Variants in CCDC178 observed in about 807,000 individuals in gnomAD.
The protein encoded by CCDC178 is coiled-coil domain containing 178.
Under a neutral mutation model 117.4 loss-of-function variants are expected in CCDC178, and 126 were observed. The observed-to-expected ratio is 1.07, with a 90% CI of 0.93 to 1.24. CCDC178 has a LOEUF of 1.24. Among genes scored for constraint, CCDC178 ranks in the 50% most tolerant of loss-of-function variants. The probability of loss-of-function intolerance (pLI) is 0.00; values close to 1 mark genes in which losing one functional copy is unlikely to be tolerated. For missense variants in CCDC178, 1,030 were observed against 986.9 expected (o/e 1.04, Z -0.59); for synonymous variants, 283 against 313.4 (o/e 0.90, Z 1.02).
intron 21 of CCDC178, among the ~76,000 whole-genome samples, chr18:33,008,564 T>C (rs147186421): frequency 5.2e-4 from 79 of 152,198 alleles, no homozygotes; most frequent in Middle Eastern, 3.4e-3. Context: ...GGAAAGTAAA[T>C]CTTCTCATGC....
intron 15 of CCDC178, among the ~76,000 whole-genome samples, chr18:33,243,018 T>C (rs571434350): frequency 2.6e-5 from 4 of 151,922 alleles, no homozygotes; most frequent in African/African-American, 9.6e-5. Flanking sequence ...CAACAACAGA[T>C]AAATGAATAA....
chr18:33,375,796 T>C (rs184645306), intron 5 of CCDC178, among the ~76,000 whole-genome samples: 4 of 152,222 alleles, frequency 2.6e-5, no homozygotes, highest in Admixed American at 1.3e-4. Flanking sequence ...AGAACTGTTA[T>C]TAGTGGAAGG....
At chr18:33,084,379 A>C (rs529875587) in intron 21 of CCDC178, among the ~76,000 whole-genome samples, 17 of 152,188 alleles carry the variant, frequency 1.1e-4, no homozygotes, top group Admixed American at 5.2e-4. Flanking sequence ...CCATCTGTAA[A>C]ATTTTACAGG....
chr18:33,001,923 A>G (rs1399130676), intron 21 of CCDC178, among the ~76,000 whole-genome samples: 1 of 152,222 alleles, frequency 6.6e-6, no homozygotes, highest in Non-Finnish European at 1.5e-5. Flanking sequence ...AAAACTACAA[A>G]AAGAGACAAA....
At chr18:33,094,617 C>T (rs919807668) in intron 20 of CCDC178, among the ~76,000 whole-genome samples, 3 of 151,756 alleles carry the variant, frequency 2.0e-5, no homozygotes, top group African/African-American at 4.8e-5. Context: ...CCGGGATTTG[C>T]ATTTTACCAA....
intron 14 of CCDC178, among the ~76,000 whole-genome samples, chr18:33,260,753 T>C (rs1180368602): frequency 2.6e-5 from 4 of 152,128 alleles, no homozygotes; most frequent in Non-Finnish European, 5.9e-5. Context: ...AAATAGACTA[T>C]TGTTTGTTAG....
At chr18:33,380,832 G>A (rs2063430975) in intron 5 of CCDC178, among the ~76,000 whole-genome samples, 1 of 152,154 alleles carries the variant, frequency 6.6e-6, no homozygotes, top group African/African-American at 2.4e-5. Context: ...CTGCCATCTT[G>A]AAGAAAAAGC....
At chr18:33,339,924 G>C (rs960083697) in intron 9 of CCDC178, among the ~76,000 whole-genome samples, 1 of 152,016 alleles carries the variant, frequency 6.6e-6, no homozygotes, top group African/African-American at 2.4e-5. Context: ...AACTAATACA[G>C]TAAATTGGTA....
chr18:33,014,479 A>C (rs532334618), intron 21 of CCDC178, among the ~76,000 whole-genome samples: 52 of 152,344 alleles, frequency 3.4e-4, no homozygotes, highest in Non-Finnish European at 7.4e-4. Flanking sequence ...ATCTCTGACA[A>C]AGCACTAGCA....
intron 12 of CCDC178, among the ~76,000 whole-genome samples, chr18:33,275,601 A>AAGGG (rs1372684002): frequency 7.5e-6 from 1 of 133,782 alleles, no homozygotes; most frequent in Non-Finnish European, 1.6e-5. Flanking sequence ...GGAAGGGAAG[A>AAGGG]AGGGAGGGAG....
intron 5 of CCDC178, among the ~76,000 whole-genome samples, chr18:33,381,511 TC>T (rs2063438796): frequency 6.6e-6 from 1 of 152,236 alleles, no homozygotes; most frequent in Admixed American, 6.5e-5. Flanking sequence ...TTCTGAATTC[TC>T]CCTATGCTAT....
intron 11 of CCDC178, among the ~76,000 whole-genome samples, chr18:33,300,944 G>A (rs1836305352): frequency 1.3e-5 from 2 of 152,202 alleles, no homozygotes; most frequent in Non-Finnish European, 2.9e-5. Flanking sequence ...ATGACTAAAA[G>A]AGAGCAAAGT....
In CCDC178 at chr18:33,175,388, CT is replaced by C. The variant is rs1355822513; in HGVS notation, c.2238+36507del. ...ATTGCAGTTTTGTGGGGTTTTTTTT[CT>C]TTAGATGGGCTCTTGCTATGTTGCC... On this transcript the variant is annotated intron_variant, in intron 20 of 22. Transcript: ENST00000383096. Among the ~76,000 whole-genome samples the C allele has an allele frequency of 2.0e-5, 3 of 150,878 alleles. No individual in the cohort carries two copies. The East Asian group carries it at 5.9e-4, about 30-fold the overall frequency.
intron 22 of CCDC178, among the ~76,000 whole-genome samples, chr18:32,943,919 T>C (rs1446041458): frequency 6.6e-6 from 1 of 152,252 alleles, no homozygotes; most frequent in African/African-American, 2.4e-5. Flanking sequence ...GATCTCGTAG[T>C]TACTTTTCAA....
intron 22 of CCDC178, among the ~76,000 whole-genome samples, chr18:32,949,129 G>A (rs147645200): frequency 9.9e-5 from 15 of 151,864 alleles, no homozygotes; most frequent in Admixed American, 4.6e-4. Context: ...ATCTTTGTTC[G>A]TCGGCACATT....
intron 20 of CCDC178, among the ~76,000 whole-genome samples, chr18:33,114,648 C>T (rs1735506226): frequency 6.6e-6 from 1 of 151,984 alleles, no homozygotes; most frequent in South Asian, 2.1e-4. Flanking sequence ...AAATCACAAA[C>T]TTTGGCAATA....
rs765418339 is a variant in CCDC178, at chr18:33,293,223, T to C, written c.1112A>G (p.Glu371Gly). Reference protein sequence around the residue: ...VNTNIEEKEEEVTEAIRETKS... With the variant: ...VNTNIEEKEEGVTEAIRETKS... ...TGTTTCCCTTATTGCTTCAGTCACT[T>C]CCTCTTCCTTCTCCTCAATATTAGT... Residue 371 changes from glutamate (E) to glycine (G), a missense_variant, in exon 12 of 23, where the codon GAA becomes GGA. Glu to Gly is a moderately conservative substitution (Grantham distance 98, BLOSUM62 -2). Transcript: ENST00000383096. 2.8e-5 allele frequency: 45 copies of C among 1,588,652 alleles called. No homozygotes were observed. The African/African-American group carries it at 5.4e-4, about 19-fold the overall frequency.
rs1321900265 is a variant in CCDC178 at position 33,211,927 on chromosome 18, G to T, written c.2207C>A (p.Ala736Asp). 1 of 1,607,004 alleles carries T rather than the reference G, an allele frequency of 6.2e-7. No homozygotes were observed. The highest frequency in any genetic ancestry group is 8.5e-7 in the Non-Finnish European group (1 of 1,177,378). ...EEDQRFRVLL[A>D]VRQKTLQDTQ... ...ATCTTGAAGAGTTTTTTGTCTTACA[G>T]CAAGGAGCACTCTAAATCTCTGATC... is the stretch of plus-strand genomic sequence containing the variant. The change falls in exon 20 of 23, where the codon GCT becomes GAT. Residue 736 changes from alanine (A) to aspartate (D), a missense_variant. Transcript: ENST00000383096.
At chr18:33,094,003 T>A (rs191742294) in intron 20 of CCDC178, among the ~76,000 whole-genome samples, 2 of 152,152 alleles carry the variant, frequency 1.3e-5, no homozygotes, top group East Asian at 3.9e-4. Flanking sequence ...TTAAAAAATA[T>A]GTTGCCATGC....
Sources: allele counts gnomAD v4.1 joint callset (sites outside exome capture counted in the v4.1 genomes callset), GRCh38; gene constraint gnomAD v4.1.1; transcripts MANE v1.5; gene names NCBI Gene and HGNC (gene_info 2026-07-23, HGNC 2026-07-21).